The following PAMR1 variants were observed in gnomAD, a reference collection of about 807,000 sequenced individuals.
PAMR1 encodes peptidase domain containing associated with muscle regeneration 1.
Under a neutral mutation model 81.8 loss-of-function variants are expected in PAMR1, and 88 were observed. That is an observed-to-expected ratio of 1.08 (90% CI 0.91 to 1.28). PAMR1 has a LOEUF of 1.28. Among genes scored for constraint, PAMR1 ranks in the 50% most tolerant of loss-of-function variants. The pLI is 0.00. For missense variants in PAMR1, 935 were observed against 919.7 expected (o/e 1.02, Z -0.21); for synonymous variants, 336 against 345.3 (o/e 0.97, Z 0.30).
intron 6 of PAMR1, among the ~76,000 whole-genome samples, chr11:35,463,692 G>A (rs968071040): frequency 6.6e-6 from 1 of 152,176 alleles, no homozygotes; most frequent in African/African-American, 2.4e-5. Context: ...CGTTCCCCTT[G>A]TTGTGCTTCC....
chr11:35,434,939 A>G, intron 9 of PAMR1, 135 bp from the exon 10 acceptor site: 1 of 777,772 alleles, frequency 1.3e-6, no homozygotes, highest in East Asian at 2.7e-5. Flanking sequence ...TAAGTAACCC[A>G]GTTTTCTTCT....
rs1856790367 is a variant in PAMR1 at position 35,468,120 on chromosome 11, A to G, written c.713-12T>C. On this transcript the variant is annotated splice_polypyrimidine_tract_variant and intron_variant, in intron 5 of 10. Transcript: ENST00000619888. ...GGATGAGGAGCATGCTGTAAGAGAAAAGGCATCCTTCAGTGCCACTATACA... is the reference window on the plus strand; with the variant it reads ...GGATGAGGAGCATGCTGTAAGAGAAGAGGCATCCTTCAGTGCCACTATACA... 2 of 1,524,600 alleles carry G rather than the reference A, an allele frequency of 1.3e-6. No individual in the cohort carries two copies. Among genetic ancestry groups the G allele is most frequent in the African/African-American group, 1.4e-5 (1 of 72,564 alleles). 94.4% of individuals were successfully genotyped at this position (1,524,600 alleles called of 1,614,324 possible).
At chr11:35,524,148 C>T (rs1851339164) in intron 1 of PAMR1, among the ~76,000 whole-genome samples, 3 of 152,138 alleles carry the variant, frequency 2.0e-5, no homozygotes, top group African/African-American at 4.8e-5. Context: ...AATGCAAAGT[C>T]ACCCACTTAC....
In PAMR1 at chr11:35,470,662, G is replaced by A. The variant is rs758277194; in HGVS notation, c.651C>T (p.Leu217=). 1 of 1,614,178 alleles carries A rather than the reference G, an allele frequency of 6.2e-7. No individual in the cohort carries two copies. Among genetic ancestry groups the A allele is most frequent in the South Asian group, 1.1e-5 (1 of 91,078 alleles). Residue 217 remains leucine (L), a synonymous_variant, in exon 5 of 11, where the codon CTC becomes CTT. Coordinates refer to ENST00000619888, the MANE Select transcript of PAMR1 (RefSeq NM_001001991.3). ...AATTCTTGGAGCCATCGGAGTGGAA[G>A]AGGACGTGGAGTGAGGATCCTATGC... ...IQSIGSSLHV[L]FHSDGSKNFD...
chr11:35,506,380 T>C (rs1401563242), intron 1 of PAMR1, among the ~76,000 whole-genome samples: 1 of 151,322 alleles, frequency 6.6e-6, no homozygotes, highest in African/African-American at 2.4e-5. Context: ...GTGGGTTTTA[T>C]ACCTTCAAAA....
In PAMR1 at chr11:35,477,024, A is replaced by T. The variant is rs11828837; in HGVS notation, c.380-2280T>A. 7.5e-3 allele frequency among the ~76,000 whole-genome samples: 1,142 copies of T among 152,254 alleles called. 11 individuals are homozygous for T. The highest frequency in any genetic ancestry group is 0.026 in the African/African-American group (1,091 of 41,538). The stretch of plus-strand genomic sequence containing the variant: ...AGCCTAGGTGACAGAGCAAGACTTC[A>T]TCTAAAAACATAGAATAATAAAAAT... On this transcript the variant is annotated intron_variant, in intron 3 of 10. Transcript: ENST00000619888.
intron 1 of PAMR1, among the ~76,000 whole-genome samples, chr11:35,522,491 G>A (rs894072536): frequency 2.0e-5 from 3 of 152,126 alleles, no homozygotes; most frequent in Non-Finnish European, 4.4e-5. Context: ...TTAGCATAAG[G>A]TCTTAAGGTT....
chr11:35,521,043 T>C (rs638009), intron 1 of PAMR1, among the ~76,000 whole-genome samples: 25,058 of 152,142 alleles, frequency 0.16, 2,401 homozygotes, highest in East Asian at 0.29. Flanking sequence ...GCGCTCTAGG[T>C]CACCTCTGCT....
At chr11:35,476,285 G>A (rs551570716) in intron 3 of PAMR1, among the ~76,000 whole-genome samples, 4 of 152,156 alleles carry the variant, frequency 2.6e-5, no homozygotes, top group South Asian at 4.1e-4. Flanking sequence ...CTAGTAATAC[G>A]GTTTGGCTGT....
In PAMR1 at chr11:35,434,686, C is replaced by T. The variant is rs537281348; in HGVS notation, c.1452G>A (p.Ala484=). The T allele has an allele frequency of 2.7e-5, 44 of 1,614,216 alleles. No homozygotes were observed. The highest frequency in any genetic ancestry group is 1.6e-4 in the Middle Eastern group (1 of 6,062). The part of the protein sequence containing the change: ...GVHDGSLHKG[A]WFLVCSGALV... ...GGGCACCGCTGCAGACTAGGAACCA[C>T]GCTCCCTTGTGTAGGCTGCCGTCAT... Residue 484 remains alanine (A), a synonymous_variant, in exon 10 of 11, where the codon GCG becomes GCA. Coordinates refer to ENST00000619888, the MANE Select transcript of PAMR1 (RefSeq NM_001001991.3).
chr11:35,432,935 C>T (rs1855946771), intron 10 of PAMR1, 43 bp from the exon 11 acceptor site: 1 of 1,504,816 alleles, frequency 6.6e-7, no homozygotes, highest in African/African-American at 1.4e-5. Flanking sequence ...GGAGCCAGCT[C>T]CACAGTGGAT....
At chr11:35,463,928 C>A (rs1302139469) in intron 6 of PAMR1, among the ~76,000 whole-genome samples, 3 of 152,256 alleles carry the variant, frequency 2.0e-5, no homozygotes, top group South Asian at 2.1e-4. Flanking sequence ...AATTCCTTTG[C>A]AAATAAATTC....
chr11:35,466,073 AT>A (rs112087458), intron 6 of PAMR1, among the ~76,000 whole-genome samples: 1,974 of 146,208 alleles, frequency 0.014, 32 homozygotes, highest in African/African-American at 0.039. Flanking sequence ...TTCCAATTCT[AT>A]TTTTTTTTTT....
At chr11:35,448,867 C>CT (rs1856352694) in intron 6 of PAMR1, among the ~76,000 whole-genome samples, 1 of 152,114 alleles carries the variant, frequency 6.6e-6, no homozygotes, top group African/African-American at 2.4e-5. Flanking sequence ...TTCTGTTTTT[C>CT]TTTTAACAGC....
rs1172304991 is a variant in PAMR1, at chr11:35,434,732, T to C, written c.1406A>G (p.Tyr469Cys). 1.2e-6 allele frequency: 2 copies of C among 1,614,124 alleles called. No individual in the cohort carries two copies. Among genetic ancestry groups the C allele is most frequent in the Admixed American group, 1.7e-5 (1 of 60,000 alleles). The change falls in exon 10 of 11, where the codon TAC (tyrosine) becomes TGC (cysteine). Residue 469 changes from tyrosine to cysteine, a missense_variant. Coordinates refer to ENST00000619888, the MANE Select transcript of PAMR1 (RefSeq NM_001001991.3). Reference sequence around the variant, plus strand: ...GTCATGCACCCCGCTGGTCCTCCTGTAGATGGCTGCCTGCCACGGCCAGCG... The same window carrying C: ...GTCATGCACCCCGCTGGTCCTCCTGCAGATGGCTGCCTGCCACGGCCAGCG... Reference protein sequence around the residue: ...GLRWPWQAAIYRRTSGVHDGS... With the variant: ...GLRWPWQAAICRRTSGVHDGS...
Position 35,494,230 on chromosome 11 carries a change from T to C in PAMR1, c.116A>G (p.Asn39Ser), listed in dbSNP as rs2135401920. ...TTCACAGCACTCCCGACACATGATA[T>C]TCCACTCTGCTCCAGGGCAGGCTTC... Reference protein sequence around the residue: ...INEACPGAEWNIMCRECCEYD... With the variant: ...INEACPGAEWSIMCRECCEYD... The change falls in exon 2 of 11, where the codon AAT becomes AGT. Residue 39 changes from asparagine to serine, a missense_variant. By Grantham distance (46) the Asn-to-Ser change is conservative. Transcript: ENST00000619888. 6.2e-7 allele frequency: 1 copy of C among 1,614,202 alleles called. No individual in the cohort carries two copies. The highest frequency in any genetic ancestry group is 1.3e-5 in the African/African-American group (1 of 75,070).
At chr11:35,525,460 A>G (rs959759118) in intron 1 of PAMR1, 53 bp downstream of exon 1, 3 of 1,469,244 alleles carry the variant, frequency 2.0e-6, no homozygotes, top group African/African-American at 1.4e-5. Flanking sequence ...CAGGAGGAAA[A>G]TGCTCCCTCC....
chr11:35,444,696 G>T (rs900074090), intron 6 of PAMR1, among the ~76,000 whole-genome samples: 1 of 152,060 alleles, frequency 6.6e-6, no homozygotes, highest in African/African-American at 2.4e-5. Context: ...TGTTCCATTG[G>T]TCTATGTGTC....
chr11:35,466,513 G>A (rs918627755), intron 6 of PAMR1, among the ~76,000 whole-genome samples: 6 of 152,048 alleles, frequency 3.9e-5, no homozygotes, highest in African/African-American at 1.4e-4. Flanking sequence ...GGATCACGAG[G>A]TCAGGAGATC....
Sources: gnomAD v4.1 joint callset for allele counts (sites outside exome capture counted in the v4.1 genomes callset) on GRCh38, gnomAD v4.1.1 for gene constraint, MANE v1.5 for transcripts, NCBI Gene and HGNC (gene_info 2026-07-23, HGNC 2026-07-21) for gene names.